Variants in PCDHA5 observed in about 807,000 individuals in gnomAD.
PCDHA5 encodes protocadherin alpha 5.
PCDHA5 carries 43 observed loss-of-function variants against 61.6 expected under a neutral mutation model. That is an observed-to-expected ratio of 0.70 (90% CI 0.55 to 0.90). The LOEUF (loss-of-function observed/expected upper bound fraction) is 0.90. PCDHA5 is among the 40% of genes least tolerant of loss of function. The probability of loss-of-function intolerance (pLI) is 0.00; values close to 1 mark genes in which losing one functional copy is unlikely to be tolerated. For missense variants in PCDHA5, 1,298 were observed against 1,222.7 expected, an observed-to-expected ratio of 1.06 and a Z score of -0.92; for synonymous variants, 627 against 543.9, an observed-to-expected ratio of 1.15 and a Z score of -2.13.
intron 1 of PCDHA5, chr5:140,870,884 G>A (rs376620715): frequency 6.5e-5 from 105 of 1,613,948 alleles, no homozygotes; most frequent in Admixed American, 3.3e-4. Context: ...GCGAAGGTGC[G>A]CGCAGTGGAT....
At chr5:140,951,751 C>T (rs1206749897) in intron 1 of PCDHA5, among the ~76,000 whole-genome samples, 2 of 152,112 alleles carry the variant, frequency 1.3e-5, no homozygotes, top group Non-Finnish European at 2.9e-5. Flanking sequence ...CCTCACCCTC[C>T]GCGAAATCTC....
At chr5:140,998,196 C>T (rs960565673) in intron 3 of PCDHA5, among the ~76,000 whole-genome samples, 2 of 152,164 alleles carry the variant, frequency 1.3e-5, no homozygotes, top group African/African-American at 4.8e-5. Flanking sequence ...CAAGTATTAA[C>T]TCCTTTAATC....
intron 1 of PCDHA5, among the ~76,000 whole-genome samples, chr5:140,935,656 CTTTTA>C (rs1300447387): frequency 6.6e-6 from 1 of 151,868 alleles, no homozygotes; most frequent in African/African-American, 2.4e-5. Context: ...TTTTAATTTT[CTTTTA>C]TAATTATGTG....
rs2150129762 is a variant in PCDHA5 at position 140,823,856 on chromosome 5, A to T, written c.2081A>T (p.Asp694Val). 3 of 1,613,758 alleles carry T rather than the reference A, an allele frequency of 1.9e-6. No individual in the cohort carries two copies. Among genetic ancestry groups the T allele is most frequent in the South Asian group, 2.2e-5 (2 of 91,072 alleles). Reference sequence around the variant, plus strand: ...GTGGGTCCCGAGGCTGCCCTGGTGGATGTCAACGTGTACCTGATCATCGCC... The same window carrying T: ...GTGGGTCCCGAGGCTGCCCTGGTGGTTGTCAACGTGTACCTGATCATCGCC... Reference protein sequence around the residue: ...GAVGPEAALVDVNVYLIIAIC... With the variant: ...GAVGPEAALVVVNVYLIIAIC... The change falls in exon 1 of 4, where the codon GAT (aspartate) becomes GTT (valine). Residue 694 changes from aspartate (D) to valine (V), a missense_variant. Coordinates refer to ENST00000529859, the MANE Select transcript of PCDHA5 (RefSeq NM_018908.3).
At chr5:140,908,529 T>C (rs1250814293) in intron 1 of PCDHA5, among the ~76,000 whole-genome samples, 1 of 152,178 alleles carries the variant, frequency 6.6e-6, no homozygotes, top group Non-Finnish European at 1.5e-5. Flanking sequence ...AAATGTTCAG[T>C]TTCCACCAAA....
intron 1 of PCDHA5, chr5:140,927,689 G>A (rs781972370): frequency 5.6e-6 from 9 of 1,614,064 alleles, no homozygotes; most frequent in African/African-American, 2.7e-5. Flanking sequence ...GGGTCCAATG[G>A]GGAAGTCCAG....
At position 140,851,655 on chromosome 5, in the gene PCDHA5, T is replaced by C. The variant is rs1554145502; in HGVS notation, c.2352+27528T>C. 3 of 911,452 alleles carry C rather than the reference T, an allele frequency of 3.3e-6. No individual in the cohort carries two copies. In the African/African-American group the frequency reaches 5.4e-5, roughly 16 times the overall value. 56.5% of individuals were successfully genotyped at this position (911,452 alleles called of 1,614,324 possible). ...GTGTTTCCTTTCTTCAAGAAGACAT[T>C]CTCCTTTTAATTGAAATTTTCTCCA... On this transcript the variant is annotated intron_variant, in intron 1 of 3. Transcript: ENST00000529859.
intron 3 of PCDHA5, among the ~76,000 whole-genome samples, chr5:141,005,701 C>CAA (rs59860837): frequency 0.061 from 476 of 7,774 alleles, 114 homozygotes; most frequent in African/African-American, 0.16. Flanking sequence ...AACTCCGTCT[C>CAA]AAAAAAAAAA....
chr5:140,907,648 G>T (rs2153502267), intron 1 of PCDHA5, among the ~76,000 whole-genome samples: 1 of 152,312 alleles, frequency 6.6e-6, no homozygotes, highest in East Asian at 1.9e-4. Flanking sequence ...TGGCAAATTG[G>T]GCACTCAGCA....
At chr5:140,833,865 GA>G (rs1242582364) in intron 1 of PCDHA5, among the ~76,000 whole-genome samples, 1 of 152,098 alleles carries the variant, frequency 6.6e-6, no homozygotes, top group African/African-American at 2.4e-5. Flanking sequence ...ACTGAATCAA[GA>G]ATATGAAGTT....
In PCDHA5 at chr5:141,010,032, T is replaced by C. The variant is rs529237892; in HGVS notation, c.*95T>C. 6.3e-7 allele frequency: 1 copy of C among 1,582,368 alleles called. No individual in the cohort carries two copies. Among genetic ancestry groups the C allele is most frequent in the African/African-American group, 1.4e-5 (1 of 73,468 alleles). On this transcript the variant is annotated 3_prime_UTR_variant, in exon 4 of 4. Transcript: ENST00000529859. ...TCCCTGCTCCTTTTTCCTATCTACA[T>C]GAGCCCTCTTAGAGACCTCAGAAAT...
At chr5:140,851,899 C>T (rs1295773158) in intron 1 of PCDHA5, 2 of 973,488 alleles carry the variant, frequency 2.1e-6, no homozygotes, top group African/African-American at 1.8e-5. Flanking sequence ...AGATTTGCCT[C>T]TTTAATGTCA....
chr5:140,957,763 T>C (rs1375605810), intron 1 of PCDHA5, among the ~76,000 whole-genome samples: 1 of 152,100 alleles, frequency 6.6e-6, no homozygotes, highest in Non-Finnish European at 1.5e-5. Context: ...TCATTATATA[T>C]GTTAAGTAAA....
At chr5:140,997,636 A>G (rs2097777002) in intron 3 of PCDHA5, among the ~76,000 whole-genome samples, 2 of 151,964 alleles carry the variant, frequency 1.3e-5, no homozygotes, top group African/African-American at 4.8e-5. Flanking sequence ...AAAAAGCAAA[A>G]TGGGATAATG....
At chr5:140,870,239 G>A (rs781847723) in intron 1 of PCDHA5, 2 of 1,614,134 alleles carry the variant, frequency 1.2e-6, no homozygotes, top group South Asian at 1.1e-5. Flanking sequence ...CGTGACTCAG[G>A]TGTCAACGGA....
chr5:140,829,348 G>T, intron 1 of PCDHA5: 4 of 1,614,236 alleles, frequency 2.5e-6, no homozygotes, highest in Non-Finnish European at 2.5e-6. Context: ...AGAGCGTGTC[G>T]GCCTATGAGT....
chr5:141,003,685 A>G (rs782131958), intron 3 of PCDHA5, among the ~76,000 whole-genome samples: 12 of 152,198 alleles, frequency 7.9e-5, no homozygotes, highest in Non-Finnish European at 1.2e-4. Flanking sequence ...TCTGATTTTA[A>G]AATATATCCC....
chr5:140,822,130 G>C lies in PCDHA5; in HGVS notation c.355G>C (p.Glu119Gln), dbSNP rs2150113866. The C allele has an allele frequency of 1.2e-6, 2 of 1,614,268 alleles. No homozygotes were observed. The highest frequency in any genetic ancestry group is 2.2e-5 in the South Asian group (2 of 91,086). ...CAGGCCGCTGCAGGTTTTCCATGTGGAGGTGGCAGTGAAGGACATCAATGA... is the reference window on the plus strand; with the variant it reads ...CAGGCCGCTGCAGGTTTTCCATGTGCAGGTGGCAGTGAAGGACATCAATGA... ...VDRPLQVFHV[E>Q]VAVKDINDNP... Residue 119 changes from glutamate (E) to glutamine (Q), a missense_variant, in exon 1 of 4, where the codon GAG (glutamate) becomes CAG (glutamine). Coordinates refer to ENST00000529859, the MANE Select transcript of PCDHA5 (RefSeq NM_018908.3).
intron 3 of PCDHA5, among the ~76,000 whole-genome samples, chr5:141,002,939 A>G (rs2098103546): frequency 6.6e-6 from 1 of 152,238 alleles, no homozygotes; most frequent in Admixed American, 6.5e-5. Context: ...AACACCCTCC[A>G]GCACATGCCC....
Sources: gnomAD v4.1 joint callset for allele counts (sites outside exome capture counted in the v4.1 genomes callset) on GRCh38, gnomAD v4.1.1 for gene constraint, MANE v1.5 for transcripts, NCBI Gene and HGNC (gene_info 2026-07-23, HGNC 2026-07-21) for gene names.